COL7A1: variants seen among roughly 807,000 people sequenced by gnomAD.
The protein encoded by COL7A1 is collagen type VII alpha 1 chain.
In COL7A1, 296 loss-of-function variants were observed where a neutral mutation model predicts 456.2. The ratio of observed to expected loss-of-function variants is 0.65; its 90% CI spans 0.59 to 0.71. The LOEUF is 0.71. Among genes scored for constraint, COL7A1 ranks in the 30% least tolerant of loss-of-function variants. COL7A1 has a pLI of 0.00. For synonymous variants in COL7A1, 1,464 were observed against 1,525.9 expected (o/e 0.96, Z 0.95); for missense variants, 3,441 against 4,017.2 (o/e 0.86, Z 3.88).
chr3:48,584,790 A>T, intron 34 of COL7A1, 21 bp from the exon 35 acceptor site: 1 of 1,614,008 alleles, frequency 6.2e-7, no homozygotes, highest in East Asian at 2.2e-5. Flanking sequence ...AACAGAGCAG[A>T]GGGTGGTGCT....
In COL7A1 at chr3:48,580,226, G is replaced by C; in HGVS notation, c.5097+74C>G. On this transcript the variant is annotated intron_variant, in intron 56 of 118. Transcript: ENST00000681320. This position sits in a 1 kb window ranked among gnomAD's most constrained non-coding sequence, Gnocchi z 4.5. Reference sequence around the variant, plus strand: ...TCCCACCTGGACCTCCAGACCCCTTGTGTGAAGGCACACTGGCAGCAGCGC... The same window carrying C: ...TCCCACCTGGACCTCCAGACCCCTTCTGTGAAGGCACACTGGCAGCAGCGC... 1 of 1,572,882 alleles carries C rather than the reference G, an allele frequency of 6.4e-7. No individual in the cohort carries two copies. The highest frequency in any genetic ancestry group is 1.1e-5 in the South Asian group (1 of 87,998).
In COL7A1 at chr3:48,591,536, G is replaced by T. The variant is rs770684431; in HGVS notation, c.1564C>A (p.Gln522Lys). 6.2e-7 allele frequency: 1 copy of T among 1,613,826 alleles called. No homozygotes were observed. Among genetic ancestry groups the T allele is most frequent in the African/African-American group, 1.3e-5 (1 of 74,902 alleles). Residue 522 changes from glutamine to lysine, a missense_variant, in exon 13 of 119, where the codon CAG (glutamine) becomes AAG (lysine). Physicochemically the swap from Gln to Lys is moderately conservative, Grantham distance 53. Around this residue, in one of 3 missense-constraint regions of COL7A1, gnomAD observed 913 missense variants for 1,088.2 expected, o/e 0.84. Coordinates refer to ENST00000681320, the MANE Select transcript of COL7A1 (RefSeq NM_000094.4). The surrounding 1 kb of genome is among the most constrained non-coding windows in gnomAD (Gnocchi z 7.0). ...TDLQATELPG[Q>K]RVRVSWSPVP... ...GGGCTCCAGGACACTCGCACCCGCT[G>T]CCCGGGCAGCTCGGTGGCTTGCAGG...
At position 48,587,158 on chromosome 3, in the gene COL7A1, C is replaced by G. The variant is rs749666126; in HGVS notation, c.3139+32G>C. On this transcript the variant is annotated intron_variant, in intron 24 of 118. Transcript: ENST00000681320. This position sits in a 1 kb window ranked among gnomAD's most constrained non-coding sequence, Gnocchi z 6.1. Reference sequence around the variant, plus strand: ...GAAGCGGGCAGCCCACCCAGACACACCTTTCTGCCCTTCCCACTACGCCCA... The same window carrying G: ...GAAGCGGGCAGCCCACCCAGACACAGCTTTCTGCCCTTCCCACTACGCCCA... 1.9e-6 allele frequency: 3 copies of G among 1,613,688 alleles called. No homozygotes were observed. Among genetic ancestry groups the G allele is most frequent in the Non-Finnish European group, 2.5e-6 (3 of 1,179,936 alleles).
chr3:48,568,840 G>A lies in COL7A1; in HGVS notation c.7702C>T (p.Pro2568Ser). The change falls in exon 104 of 119, where the codon CCT becomes TCT. Residue 2568 changes from proline to serine, a missense_variant. Pro to Ser is a moderately conservative substitution (Grantham distance 74, BLOSUM62 -1). This residue lies in a region of COL7A1 where 2,084 missense variants were observed against 2,501.3 expected (regional missense o/e 0.83). Transcript: ENST00000681320. This position sits in a 1 kb window ranked among gnomAD's most constrained non-coding sequence, Gnocchi z 5.2. ...AACCCGGCTGAGCCCTTGTCACCAGGCTCTCCCTTGCTGCCCTGTGGGAGT... is the reference window on the plus strand; with the variant it reads ...AACCCGGCTGAGCCCTTGTCACCAGACTCTCCCTTGCTGCCCTGTGGGAGT... ...DPGDKGSKGEPGDKGSAGLPG... is the reference protein window; with the variant it reads ...DPGDKGSKGESGDKGSAGLPG... The A allele has an allele frequency of 6.3e-7, 1 of 1,574,960 alleles. No individual in the cohort carries two copies. Among genetic ancestry groups the A allele is most frequent in the South Asian group, 1.2e-5 (1 of 86,002 alleles).
rs2043794480 is a variant in COL7A1, at chr3:48,569,789, C to T, written c.7522-29G>A. ...TTGGGCAAAAGAGTGTGAGTCCCGCCCAAACTGGGGAGGCCCCGCACCTGA... is the reference window on the plus strand; with the variant it reads ...TTGGGCAAAAGAGTGTGAGTCCCGCTCAAACTGGGGAGGCCCCGCACCTGA... On this transcript the variant is annotated intron_variant, in intron 100 of 118. Coordinates refer to ENST00000681320, the MANE Select transcript of COL7A1 (RefSeq NM_000094.4). The surrounding 1 kb of genome is among the most constrained non-coding windows in gnomAD (Gnocchi z 4.9). The T allele has an allele frequency of 6.2e-7, 1 of 1,614,142 alleles. No homozygotes were observed.
chr3:48,594,401 C>A lies in COL7A1; in HGVS notation c.233G>T (p.Arg78Leu), dbSNP rs866241910. 6.2e-7 allele frequency: 1 copy of A among 1,611,514 alleles called. No homozygotes were observed. Among genetic ancestry groups the A allele is most frequent in the African/African-American group, 1.3e-5 (1 of 75,000 alleles). The change falls in exon 3 of 119, where the codon CGC (arginine) becomes CTC (leucine). Residue 78 changes from arginine to leucine, a missense_variant. By Grantham distance (102) the Arg-to-Leu change is moderately radical. This residue lies in a region of COL7A1 where 913 missense variants were observed against 1,088.2 expected (regional missense o/e 0.84). Coordinates refer to ENST00000681320, the MANE Select transcript of COL7A1 (RefSeq NM_000094.4). The surrounding 1 kb of genome is among the most constrained non-coding windows in gnomAD (Gnocchi z 5.5). The stretch of plus-strand genomic sequence containing the variant: ...ATCGCTGTACTGCACTGTGGCAAAG[C>A]GCACACCCTGTGCACTGGCTGCTCC... ...FSGAASAQGVRFATVQYSDDP... is the reference protein window; with the variant it reads ...FSGAASAQGVLFATVQYSDDP...
Position 48,588,355 on chromosome 3 carries a change from C to G in COL7A1, c.2637G>C (p.Gly879=), listed in dbSNP as rs770902019. ...ALGTLHVVQR[G]EHSLRLRWEP... The stretch of plus-strand genomic sequence containing the variant: ...CCCAGCGCAGCCTCAGCGAGTGCTC[C>G]CCGCGCTGCACCACGTGAAGCGTCC... Residue 879 remains glycine (G), a synonymous_variant, in exon 21 of 119, where the codon GGG becomes GGC. Transcript: ENST00000681320. This position sits in a 1 kb window ranked among gnomAD's most constrained non-coding sequence, Gnocchi z 4.6. 6.2e-7 allele frequency: 1 copy of G among 1,612,558 alleles called. No individual in the cohort carries two copies. The highest frequency in any genetic ancestry group is 8.5e-7 in the Non-Finnish European group (1 of 1,179,958).
rs2044653948 is a variant in COL7A1 at position 48,580,319 on chromosome 3, T to C, written c.5078A>G (p.Lys1693Arg). The change falls in exon 56 of 119, where the codon AAG becomes AGG. Residue 1693 changes from lysine to arginine, a missense_variant. By Grantham distance (26) the Lys-to-Arg change is conservative. Coordinates refer to ENST00000681320, the MANE Select transcript of COL7A1 (RefSeq NM_000094.4). The surrounding 1 kb of genome is among the most constrained non-coding windows in gnomAD (Gnocchi z 4.5). The stretch of plus-strand genomic sequence containing the variant: ...ACTCACCGGCTCCCCACGGTCACCC[T>C]TGGGTCCAGATGATCCAGGGCTGCC... ...RNGSPGSSGP[K>R]GDRGEPGPPG... The C allele has an allele frequency of 6.2e-7, 1 of 1,610,426 alleles. No homozygotes were observed. The highest frequency in any genetic ancestry group is 1.3e-5 in the African/African-American group (1 of 74,812).
chr3:48,595,093 C>A lies in COL7A1; in HGVS notation c.67G>T (p.Ala23Ser). ...TGCCCACCTCTCTCCCTGTGCTGGG[C>A]TCGCACTCGGGGCGCCTCTGCCAGG... The part of the protein sequence containing the change: ...GILAEAPRVR[A>S]QHRERVTCTR... Residue 23 changes from alanine to serine, a missense_variant, in exon 2 of 119, where the codon GCC becomes TCC. Coordinates refer to ENST00000681320, the MANE Select transcript of COL7A1 (RefSeq NM_000094.4). 2 of 1,552,360 alleles carry A rather than the reference C, an allele frequency of 1.3e-6. No homozygotes were observed. The highest frequency in any genetic ancestry group is 1.7e-6 in the Non-Finnish European group (2 of 1,148,090).
At position 48,585,873 on chromosome 3, in the gene COL7A1, C is replaced by T; in HGVS notation, c.3760-17G>A. On this transcript the variant is annotated splice_polypyrimidine_tract_variant and intron_variant, in intron 29 of 118. Coordinates refer to ENST00000681320, the MANE Select transcript of COL7A1 (RefSeq NM_000094.4). This position sits in a 1 kb window ranked among gnomAD's most constrained non-coding sequence, Gnocchi z 4.5. ...CTTCTGGCCCTGGGGAAAGACATGT[C>T]AGATGTGGGTCAGAGTGGCTAGCCC... is the stretch of plus-strand genomic sequence containing the variant. 4 of 1,614,140 alleles carry T rather than the reference C, an allele frequency of 2.5e-6. No individual in the cohort carries two copies. The highest frequency in any genetic ancestry group is 2.5e-6 in the Non-Finnish European group (3 of 1,180,032).
At position 48,568,136 on chromosome 3, in the gene COL7A1, C is replaced by G. The variant is rs372102117; in HGVS notation, c.7829G>C (p.Arg2610Pro). Residue 2610 changes from arginine to proline, a missense_variant, in exon 106 of 119, where the codon CGA (arginine) becomes CCA (proline). Physicochemically the swap from Arg to Pro is moderately radical, Grantham distance 103. Coordinates refer to ENST00000681320, the MANE Select transcript of COL7A1 (RefSeq NM_000094.4). The surrounding 1 kb of genome is among the most constrained non-coding windows in gnomAD (Gnocchi z 5.2). ...SPGKDGVPGI[R>P]GEKGDVGFMG... ...GAAGCCAACATCTCCTTTTTCTCCT[C>G]GGATACCAGGCACTCCATCCTTTCC... 2 of 1,614,072 alleles carry G rather than the reference C, an allele frequency of 1.2e-6. No homozygotes were observed. Among genetic ancestry groups the G allele is most frequent in the East Asian group, 4.5e-5 (2 of 44,876 alleles).
At position 48,584,745 on chromosome 3, in the gene COL7A1, T is replaced by C. The variant is rs561191866; in HGVS notation, c.4036A>G (p.Lys1346Glu). 50 of 1,613,890 alleles carry C rather than the reference T, an allele frequency of 3.1e-5. 3 individuals carry two copies. The South Asian group carries it at 5.4e-4, about 17-fold the overall frequency. Reference protein sequence around the residue: ...DPGERGPRGPKGEPGAPGQVI... With the variant: ...DPGERGPRGPEGEPGAPGQVI... ...CCCCCTTCACCTACCGGCTCCCCCT[T>C]TGGGCCTCGAGGTCCTCGCTCTCCC... Residue 1346 changes from lysine to glutamate, a missense_variant, in exon 35 of 119, where the codon AAG becomes GAG. This residue lies in a region of COL7A1 where 2,084 missense variants were observed against 2,501.3 expected (regional missense o/e 0.83). Coordinates refer to ENST00000681320, the MANE Select transcript of COL7A1 (RefSeq NM_000094.4).
chr3:48,566,798 G>A lies in COL7A1; in HGVS notation c.8227-61C>T. ...GGCAGTGGGGATCAGAGTCAGGCAG[G>A]TTGGGGGCCACAGCTTCAGAGGTTG... On this transcript the variant is annotated intron_variant, in intron 111 of 118. Transcript: ENST00000681320. The surrounding 1 kb of genome is among the most constrained non-coding windows in gnomAD (Gnocchi z 5.9). 1 of 1,603,084 alleles carries A rather than the reference G, an allele frequency of 6.2e-7. No individual in the cohort carries two copies. Among genetic ancestry groups the A allele is most frequent in the South Asian group, 1.1e-5 (1 of 90,792 alleles).
rs148797261 is a variant in COL7A1 at position 48,577,529 on chromosome 3, G to A, written c.5533-502C>T. ...TAGCTCAATGTGTATGACCATAAGCGTGTGGGTGACCATATAAAGTCATGG... is the reference window on the plus strand; with the variant it reads ...TAGCTCAATGTGTATGACCATAAGCATGTGGGTGACCATATAAAGTCATGG... On this transcript the variant is annotated intron_variant, in intron 65 of 118. Transcript: ENST00000681320. 3.2e-3 allele frequency among the ~76,000 whole-genome samples: 494 copies of A among 152,302 alleles called. 2 individuals are homozygous for A. The highest frequency in any genetic ancestry group is 9.8e-3 in the African/African-American group (407 of 41,562).
In COL7A1 at chr3:48,567,670, C is replaced by T. The variant is rs1179491034; in HGVS notation, c.7984-34G>A. 6.2e-7 allele frequency: 1 copy of T among 1,613,974 alleles called. No individual in the cohort carries two copies. The highest frequency in any genetic ancestry group is 8.5e-7 in the Non-Finnish European group (1 of 1,180,014). ...AAAAAGACATGAACTTGGCCCCCGT[C>T]CACCCGTGGCCCCCTCATTCTGAGC... On this transcript the variant is annotated intron_variant, in intron 108 of 118. Coordinates refer to ENST00000681320, the MANE Select transcript of COL7A1 (RefSeq NM_000094.4). This position sits in a 1 kb window ranked among gnomAD's most constrained non-coding sequence, Gnocchi z 4.3.
chr3:48,573,876 T>C lies in COL7A1; in HGVS notation c.6516A>G (p.Pro2172=), dbSNP rs1401423123. ...GPEGKPGLQG[P]RGPPGPVGGH... Reference sequence around the variant, plus strand: ...TCACCACTGGGCCAGGGGGGCCTCTTGGACCCTGCAGACCCTACATAGAGA... The same window carrying C: ...TCACCACTGGGCCAGGGGGGCCTCTCGGACCCTGCAGACCCTACATAGAGA... The change falls in exon 81 of 119, where the codon CCA becomes CCG. Residue 2172 remains proline (P), a synonymous_variant. Coordinates refer to ENST00000681320, the MANE Select transcript of COL7A1 (RefSeq NM_000094.4). The surrounding 1 kb of genome is among the most constrained non-coding windows in gnomAD (Gnocchi z 5.5). 82 of 1,613,646 alleles carry C rather than the reference T, an allele frequency of 5.1e-5. No homozygotes were observed. Among genetic ancestry groups the C allele is most frequent in the Non-Finnish European group, 6.3e-5 (74 of 1,179,980 alleles).
At position 48,584,588 on chromosome 3, in the gene COL7A1, A is replaced by C. The variant is rs371527986; in HGVS notation, c.4048-32T>G. Reference sequence around the variant, plus strand: ...GGACAGAGAGCAGTGGGCAGGATTCAGGCTATGGGGGCCTTGAGCTGGAAG... The same window carrying C: ...GGACAGAGAGCAGTGGGCAGGATTCCGGCTATGGGGGCCTTGAGCTGGAAG... On this transcript the variant is annotated intron_variant, in intron 35 of 118. Transcript: ENST00000681320. The C allele has an allele frequency of 1.9e-4, 309 of 1,613,798 alleles. 3 individuals are homozygous for C. Among genetic ancestry groups the C allele is most frequent in the South Asian group, 1.1e-3 (101 of 91,084 alleles).
rs2044566967 is a variant in COL7A1, at chr3:48,579,441, G to C, written c.5272-37C>G. 6.2e-7 allele frequency: 1 copy of C among 1,614,206 alleles called. No homozygotes were observed. Among genetic ancestry groups the C allele is most frequent in the African/African-American group, 1.3e-5 (1 of 75,064 alleles). ...AGGGTCAGATAAGAGGTGAGGGTAA[G>C]ATGGGGACTTGGCAGACGGGGCAAA... On this transcript the variant is annotated intron_variant, in intron 60 of 118. Transcript: ENST00000681320. This position sits in a 1 kb window ranked among gnomAD's most constrained non-coding sequence, Gnocchi z 4.4.
At position 48,584,915 on chromosome 3, in the gene COL7A1, C is replaced by A; in HGVS notation, c.4006G>T (p.Asp1336Tyr). 6.2e-7 allele frequency: 1 copy of A among 1,613,972 alleles called. No homozygotes were observed. Among genetic ancestry groups the A allele is most frequent in the Admixed American group, 1.7e-5 (1 of 60,018 alleles). Residue 1336 changes from aspartate to tyrosine, a missense_variant, in exon 34 of 119, where the codon GAC (aspartate) becomes TAC (tyrosine). Around this residue, in one of 3 missense-constraint regions of COL7A1, gnomAD observed 2,084 missense variants for 2,501.3 expected, o/e 0.83. Coordinates refer to ENST00000681320, the MANE Select transcript of COL7A1 (RefSeq NM_000094.4). ...GSPGLPGPRG[D>Y]PGERGPRGPK... ...AAGAAGGGAAGGCACCTTACCGGGT[C>A]CCCACGAGGGCCAGGCAACCCTGGA...
Sources: gnomAD v4.1 joint callset for allele counts (sites outside exome capture counted in the v4.1 genomes callset) on GRCh38, gnomAD v4.1.1 for gene constraint, gnomAD v4.1.1 regional missense constraint, Gnocchi (gnomAD v3.1) non-coding constraint, MANE v1.5 for transcripts, NCBI Gene and HGNC (gene_info 2026-07-23, HGNC 2026-07-21) for gene names.